Variants in LAMA3 observed in about 807,000 individuals in gnomAD.
LAMA3 encodes laminin subunit alpha 3.
In LAMA3, 281 loss-of-function variants were observed where a neutral mutation model predicts 402.0. The observed-to-expected ratio is 0.70, with a 90% CI of 0.63 to 0.77. The LOEUF (loss-of-function observed/expected upper bound fraction) is 0.77, where lower values mean the gene tolerates loss of function less well. LAMA3 is among the 30% of genes least tolerant of loss of function. The pLI is 0.00. For missense variants in LAMA3, 3,840 were observed against 4,215.5 expected, an observed-to-expected ratio of 0.91 and a Z score of 2.47; for synonymous variants, 1,431 against 1,558.4, an observed-to-expected ratio of 0.92 and a Z score of 1.93.
intron 1 of LAMA3, among the ~76,000 whole-genome samples, chr18:23,698,511 C>CT (rs1239129619): frequency 6.6e-6 from 1 of 152,116 alleles, no homozygotes; most frequent in Non-Finnish European, 1.5e-5. Context: ...CACCTCTCTT[C>CT]TTTTTTATCT....
At chr18:23,735,116 T>C (rs1366131270) in intron 2 of LAMA3, among the ~76,000 whole-genome samples, 1 of 152,216 alleles carries the variant, frequency 6.6e-6, no homozygotes, top group Admixed American at 6.5e-5. Flanking sequence ...CCTCGTAGAC[T>C]GCATGTGACT....
intron 2 of LAMA3, among the ~76,000 whole-genome samples, chr18:23,734,399 G>A (rs1044856414): frequency 1.8e-4 from 27 of 152,224 alleles, no homozygotes; most frequent in Non-Finnish European, 3.8e-4. Flanking sequence ...GAAGAGCATG[G>A]AGCAGAGCCC....
chr18:23,862,002 A>T (rs1847918999), intron 35 of LAMA3, among the ~76,000 whole-genome samples, 195 bp downstream of exon 35: 1 of 152,202 alleles, frequency 6.6e-6, no homozygotes, highest in Admixed American at 6.5e-5. Context: ...ACTGCGCCCC[A>T]CCATTGCCAT....
At chr18:23,777,471 G>T (rs1285386666) in intron 10 of LAMA3, 86 bp from the exon 11 acceptor site, 3 of 894,844 alleles carry the variant, frequency 3.4e-6, no homozygotes, top group African/African-American at 3.3e-5. Context: ...GTGACAGAGG[G>T]TGTCTTCCTA....
At chr18:23,796,699 AT>A (rs1272297540) in intron 12 of LAMA3, among the ~76,000 whole-genome samples, 2 of 151,462 alleles carry the variant, frequency 1.3e-5, no homozygotes, top group South Asian at 4.2e-4. Context: ...CTTCCCATTG[AT>A]TTTTTTTTAA....
At chr18:23,823,133 T>C (rs1386459453) in intron 20 of LAMA3, among the ~76,000 whole-genome samples, 3 of 152,212 alleles carry the variant, frequency 2.0e-5, no homozygotes, top group East Asian at 3.8e-4. Flanking sequence ...TTCCGAGTTG[T>C]GTCAACCCAA....
chr18:23,928,652 G>A lies in LAMA3; in HGVS notation c.8323G>A (p.Gly2775Arg). Residue 2775 changes from glycine to arginine, a missense_variant, in exon 64 of 75, where the codon GGA becomes AGA. Physicochemically the swap from Gly to Arg is moderately radical, Grantham distance 125. This residue lies in a region of LAMA3 where 840 missense variants were observed against 981.9 expected (regional missense o/e 0.86). Transcript: ENST00000313654. ...TGTGCGATCTGCCTCATTCTCCAGA[G>A]GAGGACAATTGAGTTTCACTGATTT... ...KLVRSASFSR[G>R]GQLSFTDLGL... The A allele has an allele frequency of 6.2e-7, 1 of 1,613,978 alleles. No homozygotes were observed. The highest frequency in any genetic ancestry group is 1.1e-5 in the South Asian group (1 of 91,078).
chr18:23,773,804 T>C (rs867235677), intron 9 of LAMA3, among the ~76,000 whole-genome samples: 2 of 152,256 alleles, frequency 1.3e-5, no homozygotes, highest in African/African-American at 4.8e-5. Flanking sequence ...TAAGATTAAA[T>C]AAAATGCAAT....
intron 9 of LAMA3, 124 bp from the exon 10 acceptor site, chr18:23,775,668 C>G (rs2062300477): frequency 9.3e-7 from 1 of 1,073,358 alleles, no homozygotes; most frequent in South Asian, 1.3e-5. Context: ...ATAGGCTGTG[C>G]CCTTTCAAGA....
chr18:23,856,308 T>C (rs946444562), intron 32 of LAMA3, among the ~76,000 whole-genome samples: 13 of 152,204 alleles, frequency 8.5e-5, no homozygotes, highest in Admixed American at 1.3e-4. Context: ...TTTTTTAGGA[T>C]GGTCACTGGG....
chr18:23,751,937 T>A (rs927503289), intron 5 of LAMA3, among the ~76,000 whole-genome samples: 7 of 152,168 alleles, frequency 4.6e-5, no homozygotes, highest in Admixed American at 4.6e-4. Flanking sequence ...GTTCAGCTCC[T>A]GGGCACAGGA....
In LAMA3 at chr18:23,846,476, C is replaced by T; in HGVS notation, c.3899C>T (p.Ala1300Val). ...NVIGRQCTRCATGHYGFPRCK... is the reference protein window; with the variant it reads ...NVIGRQCTRCVTGHYGFPRCK... ...ATCGGGCGGCAGTGCACCCGCTGTG[C>T]AACAGGCCACTACGGATTCCCACGC... Residue 1300 changes from alanine to valine, a missense_variant, in exon 31 of 75, where the codon GCA becomes GTA. Physicochemically the swap from Ala to Val is moderately conservative, Grantham distance 64. This residue lies in a region of LAMA3 where 2,109 missense variants were observed against 2,376.0 expected (regional missense o/e 0.89). Transcript: ENST00000313654. 1.2e-6 allele frequency: 2 copies of T among 1,612,134 alleles called. No individual in the cohort carries two copies. The highest frequency in any genetic ancestry group is 1.3e-5 in the African/African-American group (1 of 75,076).
intron 2 of LAMA3, among the ~76,000 whole-genome samples, chr18:23,735,521 T>C (rs960840911): frequency 6.6e-6 from 1 of 152,184 alleles, no homozygotes; most frequent in African/African-American, 2.4e-5. Flanking sequence ...TCCCCATTCC[T>C]GATCCCTTCT....
rs2080966070 is a variant in LAMA3 at position 23,898,840 on chromosome 18, C to A, written c.5716C>A (p.Gln1906Lys). ...TTTGAATCAAGAATTTGAGACTTTG[C>A]AAGAAAAGGTAATGTGTTAGGTCCA... is the stretch of plus-strand genomic sequence containing the variant. Reference protein sequence around the residue: ...TDLNQEFETLQEKAQVNSRKA... With the variant: ...TDLNQEFETLKEKAQVNSRKA... Residue 1906 changes from glutamine (Q) to lysine (K), a missense_variant, in exon 45 of 75, where the codon CAA becomes AAA. By Grantham distance (53) the Gln-to-Lys change is moderately conservative. Transcript: ENST00000313654. The A allele has an allele frequency of 1.2e-6, 2 of 1,600,340 alleles. No individual in the cohort carries two copies. Among genetic ancestry groups the A allele is most frequent in the Non-Finnish European group, 1.7e-6 (2 of 1,167,468 alleles).
chr18:23,794,686 C>T (rs2062728278), intron 12 of LAMA3, among the ~76,000 whole-genome samples: 1 of 152,146 alleles, frequency 6.6e-6, no homozygotes, highest in African/African-American at 2.4e-5. Context: ...GACAGTCACC[C>T]ACACTACGTG....
intron 1 of LAMA3, among the ~76,000 whole-genome samples, chr18:23,698,221 T>TC (rs1200733139): frequency 1.4e-5 from 2 of 146,888 alleles, no homozygotes; most frequent in Non-Finnish European, 3.0e-5. Context: ...TTTTTTTTTT[T>TC]TTTGAGACGG....
chr18:23,944,942 G>A (rs146913846), intron 69 of LAMA3, among the ~76,000 whole-genome samples: 1 of 152,274 alleles, frequency 6.6e-6, no homozygotes, highest in Non-Finnish European at 1.5e-5. Flanking sequence ...AGACCAGCCC[G>A]ACCAACATGG....
intron 37 of LAMA3, among the ~76,000 whole-genome samples, chr18:23,870,712 T>C (rs949014865): frequency 2.0e-5 from 3 of 152,210 alleles, no homozygotes; most frequent in Admixed American, 6.5e-5. Flanking sequence ...GAGAACCTTA[T>C]GCTAAGTGAA....
At chr18:23,872,021 T>C (rs191299533) in intron 38 of LAMA3, among the ~76,000 whole-genome samples, 1 of 152,352 alleles carries the variant, frequency 6.6e-6, no homozygotes, top group East Asian at 1.9e-4. Context: ...TATTACCTTA[T>C]CTGATCACTA....
Sources: allele counts gnomAD v4.1 joint callset (sites outside exome capture counted in the v4.1 genomes callset), GRCh38; gene constraint gnomAD v4.1.1; regional missense constraint gnomAD v4.1.1; transcripts MANE v1.5; gene names NCBI Gene and HGNC (gene_info 2026-07-23, HGNC 2026-07-21).